The following XCR1 variants were observed in gnomAD, a reference collection of about 807,000 sequenced individuals.
XCR1 encodes chemokine XC receptor 1.
For synonymous variants in XCR1, 187 were observed against 188.5 expected (o/e 0.99, Z 0.06); for missense variants, 356 against 424.2 (o/e 0.84, Z 1.41).
chr3:46,067,040 T>G (rs2125902090), intron 3 of XCR1, among the ~76,000 whole-genome samples: 1 of 152,334 alleles, frequency 6.6e-6, no homozygotes, highest in South Asian at 2.1e-4. Context: ...GCATAGCATA[T>G]TCAGCCAGGC....
At chr3:46,046,833 A>G (rs774570105) in intron 5 of XCR1, among the ~76,000 whole-genome samples, 1 of 152,190 alleles carries the variant, frequency 6.6e-6, no homozygotes, top group Non-Finnish European at 1.5e-5. Context: ...GAGTTTGCCT[A>G]TTTAAATCAA....
chr3:46,081,559 A>AT (rs1182357879), intron 1 of XCR1, among the ~76,000 whole-genome samples: 1 of 151,920 alleles, frequency 6.6e-6, no homozygotes, highest in Non-Finnish European at 1.5e-5. Context: ...GTAACTGGAG[A>AT]TTTCTTTTTT....
At chr3:46,056,036 G>C (rs1697843898) in intron 4 of XCR1, among the ~76,000 whole-genome samples, 1 of 152,168 alleles carries the variant, frequency 6.6e-6, no homozygotes, top group African/African-American at 2.4e-5. Flanking sequence ...AGCCACACTT[G>C]TTTCCAAGAT....
chr3:46,073,106 A>T (rs925366740), intron 3 of XCR1, among the ~76,000 whole-genome samples: 3 of 152,234 alleles, frequency 2.0e-5, no homozygotes, highest in African/African-American at 4.8e-5. Flanking sequence ...CTCTCACCAC[A>T]TAAAAAAATC....
At chr3:46,024,095 C>T in intron 1 of XCR1, 1 of 807,204 alleles carries the variant, frequency 1.2e-6, no homozygotes, top group Non-Finnish European at 2.1e-6. Flanking sequence ...GATTTTACAT[C>T]TCCAGAACTT....
At chr3:46,081,424 C>T (rs1698360202) in intron 1 of XCR1, among the ~76,000 whole-genome samples, 1 of 152,194 alleles carries the variant, frequency 6.6e-6, no homozygotes, top group Non-Finnish European at 1.5e-5. Flanking sequence ...ACTTGCATTT[C>T]TTAAAGGTGA....
At chr3:46,051,685 AC>A (rs1452650698) in intron 5 of XCR1, among the ~76,000 whole-genome samples, 7 of 152,210 alleles carry the variant, frequency 4.6e-5, no homozygotes, top group African/African-American at 1.7e-4. Context: ...TAATAATTGC[AC>A]TATGTATTCT....
At position 46,018,328 on chromosome 3, in the gene XCR1, C is replaced by T. The variant is rs916741240; in HGVS notation, c.*2618G>A. The T allele has an allele frequency of 4.6e-5, 7 of 152,162 alleles. No individual in the cohort carries two copies. Among genetic ancestry groups the T allele is most frequent in the Non-Finnish European group, 1.0e-4 (7 of 68,042 alleles). 9.4% of individuals were successfully genotyped at this position (152,162 alleles called of 1,614,324 possible). A position where few individuals can be genotyped will look rare whatever the true frequency, so the allele number is the denominator to read the frequency against. On this transcript the variant is annotated 3_prime_UTR_variant, in exon 2 of 2. Transcript: ENST00000309285. ...TTCTAAGAAGGGTGGGTTCAAAGCCCAAGGTGCTTTGGTTTTGCTAAGTGG... is the reference window on the plus strand; with the variant it reads ...TTCTAAGAAGGGTGGGTTCAAAGCCTAAGGTGCTTTGGTTTTGCTAAGTGG...
intron 5 of XCR1, among the ~76,000 whole-genome samples, chr3:46,035,553 C>T (rs534142049): frequency 1.1e-3 from 174 of 152,318 alleles, no homozygotes; most frequent in African/African-American, 4.1e-3. Context: ...AAAAGCCCTC[C>T]TAAGCAGCTG....
At chr3:46,062,755 C>T (rs991047077) in intron 4 of XCR1, among the ~76,000 whole-genome samples, 2 of 152,224 alleles carry the variant, frequency 1.3e-5, no homozygotes, top group Non-Finnish European at 2.9e-5. Flanking sequence ...GCAACAGGGC[C>T]TTGTGGAAAG....
At chr3:46,053,385 T>C (rs1009372573) in intron 5 of XCR1, among the ~76,000 whole-genome samples, 8 of 149,478 alleles carry the variant, frequency 5.4e-5, no homozygotes, top group East Asian at 1.9e-4. Flanking sequence ...ATTCTTTGTA[T>C]TGGGGTCTCT....
intron 4 of XCR1, among the ~76,000 whole-genome samples, chr3:46,063,569 C>T (rs748230349): frequency 4.6e-5 from 7 of 152,158 alleles, no homozygotes. Context: ...CTCAGAAGCA[C>T]AAGGCAGGTG....
chr3:46,070,747 A>G (rs549973674), intron 3 of XCR1, among the ~76,000 whole-genome samples: 3 of 151,556 alleles, frequency 2.0e-5, no homozygotes, highest in Non-Finnish European at 4.4e-5. Flanking sequence ...TGTAAGTGGA[A>G]CATTTAATCC....
chr3:46,046,997 G>T (rs532161513), intron 5 of XCR1, among the ~76,000 whole-genome samples: 103 of 152,258 alleles, frequency 6.8e-4, no homozygotes, highest in Admixed American at 1.5e-3. Context: ...CAACGCAATT[G>T]CTGCTGCAAT....
chr3:46,028,033 A>G (rs1233231678), upstream of XCR1, among the ~76,000 whole-genome samples: 1 of 152,122 alleles, frequency 6.6e-6, no homozygotes, highest in South Asian at 2.1e-4. Flanking sequence ...CCATAAACCA[A>G]TCAGCACGTA....
chr3:46,061,607 C>CTGAA (rs1334570085), intron 4 of XCR1, among the ~76,000 whole-genome samples: 1 of 152,216 alleles, frequency 6.6e-6, no homozygotes, highest in African/African-American at 2.4e-5. Context: ...AACCTTTGGG[C>CTGAA]TGAAGCATGG....
intron 5 of XCR1, among the ~76,000 whole-genome samples, chr3:46,040,274 A>G (rs1697516876): frequency 2.0e-5 from 3 of 152,210 alleles, no homozygotes; most frequent in Admixed American, 6.5e-5. Flanking sequence ...ATTATTTTAT[A>G]GTAATTTGTG....
chr3:46,078,325 G>A lies in XCR1; in HGVS notation c.-514-1399C>T, dbSNP rs887967363. ...ATCTGACTTACCTCCCAGACTCAGC[G>A]CCTGGCCAGCTCTGGGAACCTCTTG... On this transcript the variant is annotated intron_variant, in intron 1 of 5. Transcript: ENST00000683768. Among the ~76,000 whole-genome samples the A allele has an allele frequency of 2.6e-5, 4 of 152,140 alleles. No individual in the cohort carries two copies. In the East Asian group the frequency reaches 5.8e-4, roughly 22 times the overall value.
At chr3:46,046,876 G>T (rs896021506) in intron 5 of XCR1, among the ~76,000 whole-genome samples, 1 of 152,146 alleles carries the variant, frequency 6.6e-6, no homozygotes, top group Non-Finnish European at 1.5e-5. Context: ...AATATCAAAG[G>T]TGATGTTGGA....
Sources: allele counts gnomAD v4.1 joint callset (sites outside exome capture counted in the v4.1 genomes callset), GRCh38; gene constraint gnomAD v4.1.1; transcripts MANE v1.5; gene names NCBI Gene and HGNC (gene_info 2026-07-23, HGNC 2026-07-21).